The following BAZ2A variants were observed in gnomAD, a reference collection of about 807,000 sequenced individuals.
The protein encoded by BAZ2A is bromodomain adjacent to zinc finger domain 2A.
Under a neutral mutation model 199.9 loss-of-function variants are expected in BAZ2A, and 34 were observed. The ratio of observed to expected loss-of-function variants is 0.17; its 90% confidence interval spans 0.13 to 0.23. BAZ2A has a LOEUF of 0.23. Among genes scored for constraint, BAZ2A ranks in the 10% least tolerant of loss-of-function variants. The pLI, the probability that BAZ2A is intolerant of heterozygous loss-of-function variation, is 1.00. For missense variants in BAZ2A, 2,002 were observed against 2,391.1 expected (o/e 0.84, Z 3.39); for synonymous variants, 857 against 883.9 (o/e 0.97, Z 0.54).
chr12:56,608,487 C>T (rs1191914441), intron 10 of BAZ2A, among the ~76,000 whole-genome samples: 1 of 152,084 alleles, frequency 6.6e-6, no homozygotes, highest in African/African-American at 2.4e-5. Flanking sequence ...CACACTACAC[C>T]AGGGTAAACA....
rs935552537 is a variant in BAZ2A at position 56,630,146 on chromosome 12, G to A, written c.-24C>T. On this transcript the variant is annotated 5_prime_UTR_variant, in exon 1 of 29. Coordinates refer to ENST00000549884, the MANE Select transcript of BAZ2A (RefSeq NM_001300905.2). The stretch of plus-strand genomic sequence containing the variant: ...AAACCTGAGGCAGCGGCGTCCAGCC[G>A]GGCTCGGGGCTCGTCTCTCCCCGGG... The A allele has an allele frequency of 2.1e-5, 21 of 985,538 alleles. No individual in the cohort carries two copies. The highest frequency in any genetic ancestry group is 2.4e-5 in the Non-Finnish European group (20 of 829,984). 61.0% of individuals were successfully genotyped at this position (985,538 alleles called of 1,614,324 possible). A position where few individuals can be genotyped will look rare whatever the true frequency, so the allele number is the denominator to read the frequency against.
intron 2 of BAZ2A, 106 bp downstream of exon 2, chr12:56,617,289 G>A (rs1316456275): frequency 8.1e-7 from 1 of 1,236,890 alleles, no homozygotes; most frequent in Admixed American, 3.8e-5. Flanking sequence ...GTTCTTAGAA[G>A]TTGATTTCTC....
rs1296646834 is a variant in BAZ2A, at chr12:56,635,490, G to T, written c.4+692C>A. Among the ~76,000 whole-genome samples, 1 of 152,090 alleles carries T rather than the reference G, an allele frequency of 6.6e-6. No homozygotes were observed. Among genetic ancestry groups the T allele is most frequent in the Non-Finnish European group, 1.5e-5 (1 of 68,018 alleles). On this transcript the variant is annotated intron_variant, in intron 1 of 29. Transcript: ENST00000379441. The surrounding 1 kb of genome is among the most constrained non-coding windows in gnomAD (Gnocchi z 4.1). ...TCAGGGCTCCATCCCTACGGCTGTG[G>T]GGCCTTTGGAATCAGGAAGCCACGA...
At chr12:56,626,296 T>C (rs1016799775) in intron 1 of BAZ2A, among the ~76,000 whole-genome samples, 5 of 152,232 alleles carry the variant, frequency 3.3e-5, no homozygotes, top group Non-Finnish European at 2.9e-5. Context: ...CTTGGCATTA[T>C]TGCTGCTCTT....
upstream of BAZ2A, chr12:56,630,362 G>A (rs1306743352): frequency 2.5e-6 from 2 of 796,006 alleles, no homozygotes; most frequent in East Asian, 1.3e-4. Context: ...AGCCTCGGCC[G>A]GGAGAGAGTC....
chr12:56,619,587 T>C (rs1443037829), intron 1 of BAZ2A, among the ~76,000 whole-genome samples: 1 of 151,756 alleles, frequency 6.6e-6, no homozygotes, highest in East Asian at 1.9e-4. Context: ...TTCATAAATA[T>C]GCTACATTAC....
chr12:56,618,525 C>T (rs1156246887), intron 1 of BAZ2A, among the ~76,000 whole-genome samples: 6 of 152,090 alleles, frequency 3.9e-5, no homozygotes, highest in Admixed American at 3.3e-4. Flanking sequence ...ATTCTTGTGA[C>T]ATCCTAGTGC....
chr12:56,636,091 T>A, intron 1 of BAZ2A: 1 of 1,423,298 alleles, frequency 7.0e-7, no homozygotes, highest in Non-Finnish European at 9.6e-7. Flanking sequence ...AGCCCCCAAA[T>A]GAGCAAAGGT....
intron 25 of BAZ2A, 49 bp from the exon 26 acceptor site, chr12:56,599,897 G>A (rs1472785050): frequency 6.2e-7 from 1 of 1,613,232 alleles, no homozygotes; most frequent in Non-Finnish European, 8.5e-7. Context: ...GCCTCTACCT[G>A]CCAGTGACCC....
chr12:56,634,827 G>C (rs1951407812), upstream of BAZ2A: 5 of 842,542 alleles, frequency 5.9e-6, no homozygotes, highest in African/African-American at 1.9e-5. Context: ...AGGAAGGGCA[G>C]CTCCCTCAGG....
chr12:56,629,954 A>G, intron 1 of BAZ2A, 171 bp downstream of exon 1: 1 of 406,836 alleles, frequency 2.5e-6, no homozygotes, highest in Non-Finnish European at 3.3e-6. Context: ...CCCAGACCCC[A>G]GAGCAAGGAG....
chr12:56,626,137 A>T (rs999860306), intron 1 of BAZ2A, among the ~76,000 whole-genome samples: 13 of 152,192 alleles, frequency 8.5e-5, no homozygotes, highest in Non-Finnish European at 1.5e-4. Context: ...GATAATAACA[A>T]GCTGGTGAAA....
At chr12:56,630,441 C>CT, upstream of BAZ2A, 1 of 283,420 alleles carries the variant, frequency 3.5e-6, no homozygotes, top group Non-Finnish European at 5.3e-6. Flanking sequence ...GACCTGGGTC[C>CT]TAGCGCCGCT....
chr12:56,615,461 G>T lies in BAZ2A; in HGVS notation c.283C>A (p.Gln95Lys), dbSNP rs1285973022. 46 of 1,613,516 alleles carry T rather than the reference G, an allele frequency of 2.9e-5. No individual in the cohort carries two copies. The highest frequency in any genetic ancestry group is 3.8e-5 in the Non-Finnish European group (45 of 1,179,870). Residue 95 changes from glutamine (Q) to lysine (K), a missense_variant, in exon 3 of 29, where the codon CAG becomes AAG. Around this residue, in one of 6 missense-constraint regions of BAZ2A, gnomAD observed 641 missense variants for 694.5 expected, o/e 0.92. Transcript: ENST00000549884. ...VAYDCLWNYS[Q>K]YPSANPGSNL... ...CTGCCAGGATTGGCAGATGGGTACT[G>T]TGAGTAGTTCCAGAGACAGTCGTAG...
rs546158249 is a variant in BAZ2A at position 56,596,188 on chromosome 12, CAG to C, written c.*2428_*2429del. 7.7e-4 allele frequency: 118 copies of C among 152,836 alleles called. No individual in the cohort carries two copies. The highest frequency in any genetic ancestry group is 2.7e-3 in the African/African-American group (114 of 41,586). The allele number at this position is 152,836 out of a possible 1,614,324, so 9.5% of individuals were successfully genotyped here. On this transcript the variant is annotated 3_prime_UTR_variant, in exon 29 of 29. Transcript: ENST00000549884. Reference sequence around the variant, plus strand: ...AGTCCCTTTTGCTGTAAAAGGAACACAGAAACTTGTTGGTGTTGATGGTGTGG... The same window carrying C: ...AGTCCCTTTTGCTGTAAAAGGAACACAAACTTGTTGGTGTTGATGGTGTGG...
rs182736474 is a variant in BAZ2A, at chr12:56,614,353, T to C, written c.731-215A>G. 8.0e-6 allele frequency: 4 copies of C among 499,994 alleles called. No individual in the cohort carries two copies. The Admixed American group carries it at 1.3e-4, about 16-fold the overall frequency. The allele number at this position is 499,994 out of a possible 1,614,324, so 31.0% of individuals were successfully genotyped here. On this transcript the variant is annotated intron_variant, in intron 3 of 28. Coordinates refer to ENST00000549884, the MANE Select transcript of BAZ2A (RefSeq NM_001300905.2). ...AGCAGGCAAAGAGAGGAAAAGAGAG[T>C]GGGGTCTGATACAACATCTCTATCA...
intron 1 of BAZ2A, among the ~76,000 whole-genome samples, chr12:56,626,541 C>T (rs1951101112): frequency 1.3e-5 from 2 of 152,160 alleles, no homozygotes; most frequent in African/African-American, 4.8e-5. Flanking sequence ...GGGGTCAGCC[C>T]ATACAGCTCT....
chr12:56,628,176 T>A (rs1204182662), intron 1 of BAZ2A, among the ~76,000 whole-genome samples: 1 of 6,286 alleles, frequency 1.6e-4, no homozygotes, highest in Non-Finnish European at 3.0e-4. Context: ...AAACTCCGTC[T>A]CAAAAAAAAA....
intron 9 of BAZ2A, 35 bp downstream of exon 9, chr12:56,610,079 A>AG: frequency 6.2e-7 from 1 of 1,609,332 alleles, no homozygotes; most frequent in Non-Finnish European, 8.5e-7. Context: ...ACTCTTCCTC[A>AG]GGGACAAAAG....
Sources: allele counts gnomAD v4.1 joint callset (sites outside exome capture counted in the v4.1 genomes callset), GRCh38; gene constraint gnomAD v4.1.1; regional missense constraint gnomAD v4.1.1; non-coding constraint Gnocchi (gnomAD v3.1); transcripts MANE v1.5; gene names NCBI Gene and HGNC (gene_info 2026-07-23, HGNC 2026-07-21).